Variants in CSMD2 observed in about 807,000 individuals in gnomAD.
The protein encoded by CSMD2 is CUB and Sushi multiple domains 2.
Under a neutral mutation model 398.5 loss-of-function variants are expected in CSMD2, and 130 were observed. The ratio of observed to expected loss-of-function variants is 0.33; its 90% CI spans 0.28 to 0.38. The LOEUF (loss-of-function observed/expected upper bound fraction) is 0.38. Ranked by LOEUF, CSMD2 falls within the 10% of genes least tolerant of loss-of-function variation. The pLI is 1.00. For synonymous variants in CSMD2, 1,828 were observed against 1,908.5 expected (o/e 0.96, Z 1.10); for missense variants, 3,829 against 4,764.9 (o/e 0.80, Z 5.78).
chr1:34,059,542 T>C (rs1299817919), intron 2 of CSMD2, among the ~76,000 whole-genome samples: 1 of 152,190 alleles, frequency 6.6e-6, no homozygotes, highest in Non-Finnish European at 1.5e-5. Flanking sequence ...TCTCCCTTAC[T>C]AGAGGCTAAG....
intron 4 of CSMD2, among the ~76,000 whole-genome samples, chr1:33,922,708 C>T (rs1440975051): frequency 6.6e-6 from 1 of 152,088 alleles, no homozygotes; most frequent in African/African-American, 2.4e-5. Flanking sequence ...GCTCAGGGGA[C>T]ATCCTCAACT....
intron 25 of CSMD2, among the ~76,000 whole-genome samples, chr1:33,663,604 C>A (rs1644215014): frequency 6.6e-6 from 1 of 152,112 alleles, no homozygotes; most frequent in African/African-American, 2.4e-5. Flanking sequence ...TTTCCCAGAG[C>A]AGAATTCTGG....
At chr1:33,787,311 C>T (rs1156854809) in intron 12 of CSMD2, among the ~76,000 whole-genome samples, 2 of 152,196 alleles carry the variant, frequency 1.3e-5, no homozygotes, top group African/African-American at 4.8e-5. Context: ...CTCCTGTGTA[C>T]CTGTACCCAG....
intron 28 of CSMD2, among the ~76,000 whole-genome samples, chr1:33,651,571 T>C (rs1643757664): frequency 6.6e-6 from 1 of 152,012 alleles, no homozygotes; most frequent in South Asian, 2.1e-4. Context: ...GAGGAGGTTT[T>C]GACAAAGCCC....
At chr1:33,563,772 G>C (rs1658796256) in intron 53 of CSMD2, among the ~76,000 whole-genome samples, 1 of 152,064 alleles carries the variant, frequency 6.6e-6, no homozygotes, top group Non-Finnish European at 1.5e-5. Context: ...TCTTCAGAAA[G>C]GAGGCAGAAT....
intron 25 of CSMD2, among the ~76,000 whole-genome samples, chr1:33,679,113 C>G (rs181553634): frequency 1.6e-4 from 24 of 151,914 alleles, no homozygotes; most frequent in Non-Finnish European, 2.9e-5. Flanking sequence ...TGTGAGGGGC[C>G]AATGTATCTT....
intron 5 of CSMD2, among the ~76,000 whole-genome samples, chr1:33,855,576 T>A (rs766967992): frequency 6.6e-6 from 1 of 152,038 alleles, no homozygotes; most frequent in Non-Finnish European, 1.5e-5. Flanking sequence ...CCTCCAGGAG[T>A]CAGTCTGACT....
At chr1:33,769,939 G>T (rs191567610) in intron 13 of CSMD2, among the ~76,000 whole-genome samples, 1 of 152,280 alleles carries the variant, frequency 6.6e-6, no homozygotes, top group Admixed American at 6.5e-5. Flanking sequence ...TGAGCGCTTT[G>T]TAAAACACAG....
At chr1:33,703,999 C>T (rs1033155194) in intron 22 of CSMD2, among the ~76,000 whole-genome samples, 3 of 152,316 alleles carry the variant, frequency 2.0e-5, no homozygotes, top group Admixed American at 6.5e-5. Flanking sequence ...TTCATACCCT[C>T]TGTGCATCCA....
At chr1:34,123,522 AG>A (rs1553323630) in intron 1 of CSMD2, among the ~76,000 whole-genome samples, 30 of 125,266 alleles carry the variant, frequency 2.4e-4, no homozygotes, top group African/African-American at 7.5e-4. Flanking sequence ...TCAAACTTAA[AG>A]GGGGGGGGTT....
At chr1:34,000,555 C>T (rs57871497) in intron 3 of CSMD2, among the ~76,000 whole-genome samples, 6,612 of 152,178 alleles carry the variant, frequency 0.043, 494 homozygotes, top group African/African-American at 0.15. Context: ...CCCCAGAGTT[C>T]TGCACACTAT....
At chr1:33,707,331 C>A (rs867378697) in intron 22 of CSMD2, among the ~76,000 whole-genome samples, 1 of 152,172 alleles carries the variant, frequency 6.6e-6, no homozygotes, top group Non-Finnish European at 1.5e-5. Flanking sequence ...CTCTGCATTG[C>A]CCAGCTTGCG....
At chr1:33,836,815 T>A (rs575024086) in intron 6 of CSMD2, among the ~76,000 whole-genome samples, 17 of 152,322 alleles carry the variant, frequency 1.1e-4, no homozygotes, top group Non-Finnish European at 2.2e-4. Flanking sequence ...ACTTCCTGGG[T>A]GAGGCCATGC....
At chr1:34,140,830 T>C (rs916540972) in intron 1 of CSMD2, among the ~76,000 whole-genome samples, 1 of 151,918 alleles carries the variant, frequency 6.6e-6, no homozygotes, top group Non-Finnish European at 1.5e-5. Context: ...GACTTATAAG[T>C]TTTTCACGTG....
chr1:33,818,808 C>A (rs1657768912), intron 9 of CSMD2, among the ~76,000 whole-genome samples: 1 of 152,184 alleles, frequency 6.6e-6, no homozygotes, highest in African/African-American at 2.4e-5. Context: ...TCCAACTCTG[C>A]CCCTTTCTCA....
chr1:33,600,777 A>G, intron 44 of CSMD2, 88 bp downstream of exon 44: 1 of 1,391,852 alleles, frequency 7.2e-7, no homozygotes, highest in Non-Finnish European at 1.0e-6. Flanking sequence ...TCAAGGTCAC[A>G]TGATCCGCAA....
chr1:34,109,771 G>GTAA (rs1660865402), intron 1 of CSMD2, among the ~76,000 whole-genome samples: 3 of 152,050 alleles, frequency 2.0e-5, no homozygotes, highest in Non-Finnish European at 2.9e-5. Flanking sequence ...CAGGCACGGT[G>GTAA]GCTCATGCCT....
intron 1 of CSMD2, among the ~76,000 whole-genome samples, chr1:34,091,965 T>C (rs1289749487): frequency 6.6e-6 from 1 of 152,148 alleles, no homozygotes; most frequent in Non-Finnish European, 1.5e-5. Flanking sequence ...TACATTAATA[T>C]ACCTAGAAAA....
intron 53 of CSMD2, among the ~76,000 whole-genome samples, chr1:33,563,660 G>A (rs1658785344): frequency 6.6e-6 from 1 of 152,090 alleles, no homozygotes; most frequent in Non-Finnish European, 1.5e-5. Context: ...GTTTCTAAAT[G>A]TCTCATCTGA....
Sources: gnomAD v4.1 joint callset for allele counts (sites outside exome capture counted in the v4.1 genomes callset) on GRCh38, gnomAD v4.1.1 for gene constraint, MANE v1.5 for transcripts, NCBI Gene and HGNC (gene_info 2026-07-23, HGNC 2026-07-21) for gene names.